The following DSP variants were observed in gnomAD, a reference collection of about 807,000 sequenced individuals.
The protein encoded by DSP is 250/210 kDa paraneoplastic pemphigus antigen.
DSP carries 114 observed loss-of-function variants against 290.6 expected under a neutral mutation model. That is an observed-to-expected ratio of 0.39 (90% CI 0.34 to 0.46). DSP has a LOEUF of 0.46. DSP is among the 20% of genes least tolerant of loss of function. The pLI is 0.99. For missense variants in DSP, 3,230 were observed against 3,495.8 expected (o/e 0.92, Z 1.92); for synonymous variants, 1,311 against 1,316.4 (o/e 1.00, Z 0.09).
Position 7,571,860 on chromosome 6 carries a change from C to T in DSP, c.1922C>T (p.Thr641Ile). The T allele has an allele frequency of 1.9e-6, 3 of 1,613,090 alleles. No homozygotes were observed. Among genetic ancestry groups the T allele is most frequent in the South Asian group, 2.2e-5 (2 of 91,076 alleles). ...QHQTVTTTEI[T>I]HHGTCQDVNH... is the part of the protein sequence containing the mutation. ...TTTACAGTGACCACAACTGAAATCA[C>T]TCATCATGGAACCTGCCAAGATGTC... Residue 641 changes from threonine to isoleucine, a missense_variant, in exon 15 of 24, where the codon ACT becomes ATT. By Grantham distance (89) the Thr-to-Ile change is moderately conservative (BLOSUM62 -1). Transcript: ENST00000379802.
chr6:7,562,589 G>T (rs766165850), intron 4 of DSP, 63 bp from the exon 5 acceptor site: 25 of 1,610,810 alleles, frequency 1.6e-5, no homozygotes, highest in South Asian at 2.2e-5. Context: ...GATGGTGTGC[G>T]TAAGTGAAAC....
chr6:7,580,283 C>A lies in DSP; in HGVS notation c.4093C>A (p.Gln1365Lys). Reference sequence around the variant, plus strand: ...TGAGGAGATCATTAGCTTAAAAAATCAGTTTGAGACCGAGATCAACATCAC... The same window carrying A: ...TGAGGAGATCATTAGCTTAAAAAATAAGTTTGAGACCGAGATCAACATCAC... ...YDEEIISLKN[Q>K]FETEINITKT... Residue 1365 changes from glutamine (Q) to lysine (K), a missense_variant, in exon 23 of 24, where the codon CAG (glutamine) becomes AAG (lysine). By Grantham distance (53) the Gln-to-Lys change is moderately conservative. Transcript: ENST00000379802. The surrounding 1 kb of genome is among the most constrained non-coding windows in gnomAD (Gnocchi z 4.2). The A allele has an allele frequency of 6.2e-7, 1 of 1,612,534 alleles. No homozygotes were observed. Among genetic ancestry groups the A allele is most frequent in the Non-Finnish European group, 8.5e-7 (1 of 1,179,468 alleles).
At chr6:7,551,840 T>C (rs1367505003) in intron 1 of DSP, among the ~76,000 whole-genome samples, 2 of 152,182 alleles carry the variant, frequency 1.3e-5, no homozygotes, top group Non-Finnish European at 2.9e-5. Context: ...CCTGGCAAGG[T>C]GGATTCCCTA....
intron 4 of DSP, among the ~76,000 whole-genome samples, chr6:7,562,373 G>GTTTT (rs35044648): frequency 2.2e-5 from 3 of 137,490 alleles, no homozygotes; most frequent in Non-Finnish European, 3.2e-5. Flanking sequence ...GGTAGATTTG[G>GTTTT]TTTTTTTTTT....
In DSP at chr6:7,582,658, A is replaced by G. The variant is rs987386495; in HGVS notation, c.5396A>G (p.Gln1799Arg). The G allele has an allele frequency of 8.1e-6, 13 of 1,613,602 alleles. No homozygotes were observed. The highest frequency in any genetic ancestry group is 1.1e-5 in the Non-Finnish European group (13 of 1,179,744). ...KQALEASNRI[Q>R]ESKNQCTQVV... ...CAATTCCAGGCATCTAATAGGATTCAGGAATCAAAGAATCAGTGTACTCAG... is the reference window on the plus strand; with the variant it reads ...CAATTCCAGGCATCTAATAGGATTCGGGAATCAAAGAATCAGTGTACTCAG... Residue 1799 changes from glutamine (Q) to arginine (R), a missense_variant, in exon 24 of 24, where the codon CAG becomes CGG. Gln to Arg is a conservative substitution (Grantham distance 43). Around this residue, in one of 5 missense-constraint regions of DSP, gnomAD observed 1,714 missense variants for 1,844.5 expected, o/e 0.93. Transcript: ENST00000379802. The surrounding 1 kb of genome is among the most constrained non-coding windows in gnomAD (Gnocchi z 4.2).
chr6:7,581,025 T>C lies in DSP; in HGVS notation c.4835T>C (p.Ile1612Thr), dbSNP rs1581818435. Reference sequence around the variant, plus strand: ...TCGCTGAAGGAGCAAGCCATCAAAATCACCAACCTGACCCAGCAGCTGGAG... The same window carrying C: ...TCGCTGAAGGAGCAAGCCATCAAAACCACCAACCTGACCCAGCAGCTGGAG... ...RRSLKEQAIK[I>T]TNLTQQLEQA... Residue 1612 changes from isoleucine (I) to threonine (T), a missense_variant, in exon 23 of 24, where the codon ATC becomes ACC. Transcript: ENST00000379802. 1.2e-6 allele frequency: 2 copies of C among 1,613,952 alleles called. No individual in the cohort carries two copies. The highest frequency in any genetic ancestry group is 1.7e-6 in the Non-Finnish European group (2 of 1,179,996).
chr6:7,569,352 A>G lies in DSP; in HGVS notation c.1574+12A>G, dbSNP rs777035331. On this transcript the variant is annotated intron_variant, in intron 12 of 23. Coordinates refer to ENST00000379802, the MANE Select transcript of DSP (RefSeq NM_004415.4). ...GACCTCTCTTGCAAGTAAGTCATCCAAGTTCCCAAAGCCACGCATGCACGC... is the reference window on the plus strand; with the variant it reads ...GACCTCTCTTGCAAGTAAGTCATCCGAGTTCCCAAAGCCACGCATGCACGC... The G allele has an allele frequency of 4.3e-6, 7 of 1,614,178 alleles. No individual in the cohort carries two copies. In the African/African-American group the frequency reaches 8.0e-5, roughly 18 times the overall value.
At position 7,580,021 on chromosome 6, in the gene DSP, A is replaced by G. The variant is rs760705832; in HGVS notation, c.3831A>G (p.Gln1277=). ...GAGCTGAAGAAAACGCCCTTCAGCA[A>G]AAGGCCTGTGGCTCTGAGATAATGC... is the stretch of plus-strand genomic sequence containing the variant. ...RRRAEENALQ[Q]KACGSEIMQK... Residue 1277 remains glutamine, a synonymous_variant, in exon 23 of 24, where the codon CAA becomes CAG. Coordinates refer to ENST00000379802, the MANE Select transcript of DSP (RefSeq NM_004415.4). The surrounding 1 kb of genome is among the most constrained non-coding windows in gnomAD (Gnocchi z 4.2). 6.2e-7 allele frequency: 1 copy of G among 1,614,178 alleles called. No homozygotes were observed. The highest frequency in any genetic ancestry group is 1.1e-5 in the South Asian group (1 of 91,086).
In DSP at chr6:7,571,935, C is replaced by T. The variant is rs200053977; in HGVS notation, c.1997C>T (p.Thr666Ile). ...ETNRENDKQE[T>I]WMLMELQKIR... ...AACAGAGAAAATGACAAGCAAGAAA[C>T]ATGGATGCTGATGGAGCTGCAGAAG... The change falls in exon 15 of 24, where the codon ACA becomes ATA. Residue 666 changes from threonine (T) to isoleucine (I), a missense_variant. Coordinates refer to ENST00000379802, the MANE Select transcript of DSP (RefSeq NM_004415.4). 4 of 1,614,080 alleles carry T rather than the reference C, an allele frequency of 2.5e-6. No individual in the cohort carries two copies. The African/African-American group carries it at 5.3e-5, about 22-fold the overall frequency.
Position 7,578,571 on chromosome 6 carries a change from T to C in DSP, c.3084+9T>C, listed in dbSNP as rs751450713. ...GTTTGGAAGATCTGAAGGTAATTTA[T>C]ACTGTCTTTTCTTGTAGCGTCAAAA... On this transcript the variant is annotated intron_variant, in intron 22 of 23. Transcript: ENST00000379802. The C allele has an allele frequency of 2.5e-6, 4 of 1,604,088 alleles. No homozygotes were observed. The highest frequency in any genetic ancestry group is 2.6e-6 in the Non-Finnish European group (3 of 1,171,270).
chr6:7,563,878 C>T, intron 6 of DSP, 92 bp downstream of exon 6: 1 of 1,156,386 alleles, frequency 8.6e-7, no homozygotes, highest in Non-Finnish European at 1.3e-6. Context: ...GGCGGGGAGG[C>T]ACCTGTTCAT....
intron 14 of DSP, 42 bp from the exon 15 acceptor site, chr6:7,571,800 T>C (rs774024348): frequency 6.3e-7 from 1 of 1,593,592 alleles, no homozygotes; most frequent in East Asian, 2.2e-5. Flanking sequence ...CCTTGATACC[T>C]AGGTATTCTC....
At chr6:7,561,008 GTGGCA>G (rs1226115399) in intron 4 of DSP, among the ~76,000 whole-genome samples, 3 of 151,270 alleles carry the variant, frequency 2.0e-5, no homozygotes, top group Admixed American at 2.0e-4. Context: ...CAGGAGTGCA[GTGGCA>G]TGATCTCGTC....
In DSP at chr6:7,581,413, G is replaced by C. The variant is rs201984474; in HGVS notation, c.5223G>C (p.Ala1741=). ...ACCTGAGGAGAGGACGAAGCGAAGC[G>C]GACAGTGATAAAAATGCAACCATCT... The part of the protein sequence containing the change: ...YDDLRRGRSE[A]DSDKNATILE... The change falls in exon 23 of 24, where the codon GCG becomes GCC. Residue 1741 remains alanine (A), a synonymous_variant. Transcript: ENST00000379802. 1 of 1,613,290 alleles carries C rather than the reference G, an allele frequency of 6.2e-7. No homozygotes were observed. The highest frequency in any genetic ancestry group is 8.5e-7 in the Non-Finnish European group (1 of 1,179,746).
Position 7,568,464 on chromosome 6 carries a change from A to G in DSP, c.1294A>G (p.Lys432Glu). 3 of 1,614,174 alleles carry G rather than the reference A, an allele frequency of 1.9e-6. No homozygotes were observed. Among genetic ancestry groups the G allele is most frequent in the Non-Finnish European group, 2.5e-6 (3 of 1,180,032 alleles). ...EKEREKILEY[K>E]RQVQNLVNKS... ...AGAACGAGAGAAAATCCTTGAATAC[A>G]AGCGTCAGGTGCAGAACTTGGTAAA... Residue 432 changes from lysine to glutamate, a missense_variant, in exon 11 of 24, where the codon AAG (lysine) becomes GAG (glutamate). Transcript: ENST00000379802.
rs1267435790 is a variant in DSP at position 7,570,444 on chromosome 6, C to G, written c.1582C>G (p.Gln528Glu). ...LAVDLSCKIEQYYEAILALWN... is the reference protein window; with the variant it reads ...LAVDLSCKIEEYYEAILALWN... ...TCCCTTTGTGCCTCTTAGGATTGAG[C>G]AGTACTACGAAGCCATCTTGGCTCT... Residue 528 changes from glutamine to glutamate, a missense_variant, in exon 13 of 24, where the codon CAG becomes GAG. Gln to Glu is a conservative substitution (Grantham distance 29). Transcript: ENST00000379802. The G allele has an allele frequency of 1.9e-6, 3 of 1,614,168 alleles. No individual in the cohort carries two copies. The Admixed American group carries it at 5.0e-5, about 27-fold the overall frequency.
At chr6:7,567,726 ATGAAATT>A in intron 9 of DSP, 48 bp from the exon 10 acceptor site, 1 of 1,612,100 alleles carries the variant, frequency 6.2e-7, no homozygotes, top group Non-Finnish European at 8.5e-7. Flanking sequence ...GAACTACTAG[ATGAAATT>A]GCTCATTGAG....
rs779962581 is a variant in DSP, at chr6:7,574,146, G to A, written c.2191G>A (p.Ala731Thr). ...TCTCAACCAGCTTAAAGATATGCTTGCCAACTTCAGAGGTTCTGAAAAGTA... is the reference window on the plus strand; with the variant it reads ...TCTCAACCAGCTTAAAGATATGCTTACCAACTTCAGAGGTTCTGAAAAGTA... ...EVLNQLKDML[A>T]NFRGSEKYCY... The change falls in exon 16 of 24, where the codon GCC (alanine) becomes ACC (threonine). Residue 731 changes from alanine to threonine, a missense_variant. Ala to Thr is a moderately conservative substitution (Grantham distance 58, BLOSUM62 0). This residue lies in a region of DSP where 1,714 missense variants were observed against 1,844.5 expected (regional missense o/e 0.93). Coordinates refer to ENST00000379802, the MANE Select transcript of DSP (RefSeq NM_004415.4). 6.2e-7 allele frequency: 1 copy of A among 1,614,142 alleles called. No individual in the cohort carries two copies. Among genetic ancestry groups the A allele is most frequent in the Admixed American group, 1.7e-5 (1 of 60,030 alleles).
Position 7,579,678 on chromosome 6 carries a change from C to A in DSP, c.3488C>A (p.Ala1163Asp). ...LGWQKLESEK[A>D]IKEKEYEIER... ...TGGCAGAAATTAGAGTCTGAGAAAGCCATCAAGGAGAAGGAGTACGAGATT... is the reference window on the plus strand; with the variant it reads ...TGGCAGAAATTAGAGTCTGAGAAAGACATCAAGGAGAAGGAGTACGAGATT... The change falls in exon 23 of 24, where the codon GCC becomes GAC. Residue 1163 changes from alanine to aspartate, a missense_variant. By Grantham distance (126) the Ala-to-Asp change is moderately radical. Around this residue, in one of 5 missense-constraint regions of DSP, gnomAD observed 1,714 missense variants for 1,844.5 expected, o/e 0.93. Transcript: ENST00000379802. This position sits in a 1 kb window ranked among gnomAD's most constrained non-coding sequence, Gnocchi z 4.1. 6.2e-7 allele frequency: 1 copy of A among 1,613,574 alleles called. No individual in the cohort carries two copies. The highest frequency in any genetic ancestry group is 8.5e-7 in the Non-Finnish European group (1 of 1,179,860).
Sources: allele counts gnomAD v4.1 joint callset (sites outside exome capture counted in the v4.1 genomes callset), GRCh38; gene constraint gnomAD v4.1.1; regional missense constraint gnomAD v4.1.1; non-coding constraint Gnocchi (gnomAD v3.1); transcripts MANE v1.5; gene names NCBI Gene and HGNC (gene_info 2026-07-23, HGNC 2026-07-21).